EMC2: variants seen among roughly 807,000 people sequenced by gnomAD.
The protein encoded by EMC2 is ER membrane protein complex subunit 2, also known as TPR repeat protein 35.
EMC2 carries 37 observed loss-of-function variants against 51.6 expected under a neutral mutation model. The ratio of observed to expected loss-of-function variants is 0.72; its 90% CI spans 0.55 to 0.94. The LOEUF (loss-of-function observed/expected upper bound fraction) is 0.94, where lower values mean the gene tolerates loss of function less well. Among genes scored for constraint, EMC2 ranks in the 40% least tolerant of loss-of-function variants. The probability of loss-of-function intolerance (pLI) is 0.00; values close to 1 mark genes in which losing one functional copy is unlikely to be tolerated. For synonymous variants in EMC2, 131 were observed against 112.4 expected (o/e 1.17, Z -1.04); for missense variants, 359 against 350.9 (o/e 1.02, Z -0.18).
intron 8 of EMC2, among the ~76,000 whole-genome samples, chr8:108,476,469 A>C (rs1810947978): frequency 6.6e-6 from 1 of 151,986 alleles, no homozygotes; most frequent in Non-Finnish European, 1.5e-5. Context: ...GTAATAGAAA[A>C]TACAATGTGA....
At chr8:108,475,328 T>G (rs1189565028) in intron 7 of EMC2, 1 of 152,086 alleles carries the variant, frequency 6.6e-6, no homozygotes, top group Non-Finnish European at 1.5e-5. Flanking sequence ...CAACTTGATC[T>G]GTTTTTCATG....
At chr8:108,446,973 T>C (rs1039577315) in intron 1 of EMC2, among the ~76,000 whole-genome samples, 1 of 152,168 alleles carries the variant, frequency 6.6e-6, no homozygotes, top group Non-Finnish European at 1.5e-5. Context: ...TATATTTTAA[T>C]ATGTGACTGT....
chr8:108,449,169 A>G (rs988728162), intron 1 of EMC2, among the ~76,000 whole-genome samples: 8 of 152,138 alleles, frequency 5.3e-5, no homozygotes, highest in Admixed American at 5.2e-4. Context: ...ACTGGAGTGC[A>G]GTGGTGCAAT....
At chr8:108,471,528 T>G (rs1252971931) in intron 7 of EMC2, among the ~76,000 whole-genome samples, 2 of 151,838 alleles carry the variant, frequency 1.3e-5, no homozygotes, top group East Asian at 3.9e-4. Flanking sequence ...GTTTGTTTGG[T>G]TTTTGTCCTT....
intron 5 of EMC2, among the ~76,000 whole-genome samples, chr8:108,467,692 C>T (rs1418035891): frequency 6.6e-6 from 1 of 152,182 alleles, no homozygotes; most frequent in Non-Finnish European, 1.5e-5. Context: ...CAGGCATGCA[C>T]CACTGCTCCC....
intron 1 of EMC2, among the ~76,000 whole-genome samples, chr8:108,444,386 C>T (rs1405821343): frequency 1.3e-5 from 2 of 152,112 alleles, no homozygotes; most frequent in African/African-American, 4.8e-5. Flanking sequence ...TTTCCCTATC[C>T]TTAGTTGATC....
intron 5 of EMC2, among the ~76,000 whole-genome samples, chr8:108,468,209 G>A (rs1307761332): frequency 6.6e-6 from 1 of 152,106 alleles, no homozygotes; most frequent in Non-Finnish European, 1.5e-5. Context: ...GGAGGACTAG[G>A]GACAATGCTC....
At chr8:108,449,067 G>A (rs370498656) in intron 1 of EMC2, among the ~76,000 whole-genome samples, 7 of 152,188 alleles carry the variant, frequency 4.6e-5, no homozygotes, top group South Asian at 2.1e-4. Flanking sequence ...GCTACCAGTA[G>A]TTCTTTCTGT....
intron 5 of EMC2, among the ~76,000 whole-genome samples, chr8:108,468,904 C>T (rs1369707443): frequency 1.3e-5 from 2 of 152,144 alleles, no homozygotes; most frequent in Non-Finnish European, 2.9e-5. Context: ...ATGTGTTCTT[C>T]CCACTATGCA....
chr8:108,445,955 A>G (rs1445443334), intron 1 of EMC2, among the ~76,000 whole-genome samples: 2 of 152,174 alleles, frequency 1.3e-5, no homozygotes, highest in East Asian at 3.9e-4. Flanking sequence ...CTTGAAAATG[A>G]CCTTTTTAGA....
At chr8:108,455,971 T>C in intron 5 of EMC2, 41 bp downstream of exon 5, 1 of 901,896 alleles carries the variant, frequency 1.1e-6, no homozygotes, top group Middle Eastern at 2.4e-4. Context: ...TAAAGTTTAA[T>C]TTAAAAGATA....
Position 108,443,696 on chromosome 8 carries a change from A to T in EMC2, c.38A>T (p.Glu13Val), listed in dbSNP as rs1383900980. 1 of 1,609,504 alleles carries T rather than the reference A, an allele frequency of 6.2e-7. No homozygotes were observed. The highest frequency in any genetic ancestry group is 8.5e-7 in the Non-Finnish European group (1 of 1,177,822). Residue 13 changes from glutamate (E) to valine (V), a missense_variant and splice_region_variant, in exon 1 of 11, where the codon GAA (glutamate) becomes GTA (valine). Coordinates refer to ENST00000220853, the MANE Select transcript of EMC2 (RefSeq NM_014673.5). ...KVSELYDVTW[E>V]EMRDKMRKWR... ...TCAGAGCTTTACGATGTCACTTGGGAAGGTAACTTCGGGTGGGGGCGGGTG... is the reference window on the plus strand; with the variant it reads ...TCAGAGCTTTACGATGTCACTTGGGTAGGTAACTTCGGGTGGGGGCGGGTG...
intron 5 of EMC2, among the ~76,000 whole-genome samples, chr8:108,463,336 C>G (rs968507095): frequency 6.6e-6 from 1 of 152,066 alleles, no homozygotes; most frequent in African/African-American, 2.4e-5. Flanking sequence ...TTGGAGGGGA[C>G]TGGGCTACTG....
chr8:108,474,316 G>T (rs770240882), intron 7 of EMC2: 2 of 151,816 alleles, frequency 1.3e-5, no homozygotes, highest in Admixed American at 6.6e-5. Context: ...AATAATTAAA[G>T]GAACACATTT....
chr8:108,471,775 G>A (rs1006434470), intron 7 of EMC2, among the ~76,000 whole-genome samples: 2 of 151,574 alleles, frequency 1.3e-5, no homozygotes, highest in African/African-American at 4.8e-5. Flanking sequence ...TTTTTATTTT[G>A]TTTCCTTGGG....
intron 5 of EMC2, among the ~76,000 whole-genome samples, chr8:108,458,821 C>A (rs1367904216): frequency 6.6e-6 from 1 of 152,208 alleles, no homozygotes; most frequent in African/African-American, 2.4e-5. Flanking sequence ...ATGCAAATTT[C>A]TGCAGCTGGC....
At chr8:108,459,295 C>A (rs1213965749) in intron 5 of EMC2, among the ~76,000 whole-genome samples, 1 of 152,160 alleles carries the variant, frequency 6.6e-6, no homozygotes, top group Non-Finnish European at 1.5e-5. Context: ...TCCACATTTT[C>A]AGGTATCTTC....
intron 10 of EMC2, among the ~76,000 whole-genome samples, chr8:108,479,581 C>G (rs1243031648): frequency 6.6e-6 from 1 of 152,076 alleles, no homozygotes; most frequent in Non-Finnish European, 1.5e-5. Flanking sequence ...TCTTAGTTTT[C>G]TAAAGTTCGT....
At chr8:108,484,830 C>T (rs1811106016) in intron 10 of EMC2, among the ~76,000 whole-genome samples, 1 of 151,904 alleles carries the variant, frequency 6.6e-6, no homozygotes, top group South Asian at 2.1e-4. Flanking sequence ...AAGTAATAAG[C>T]ATGCCTCACA....
Sources: gnomAD v4.1 joint callset for allele counts (sites outside exome capture counted in the v4.1 genomes callset) on GRCh38, gnomAD v4.1.1 for gene constraint, MANE v1.5 for transcripts, NCBI Gene and HGNC (gene_info 2026-07-23, HGNC 2026-07-21) for gene names.